The following LOXL1 variants were observed in gnomAD, a reference collection of about 807,000 sequenced individuals.
The protein encoded by LOXL1 is lysyl oxidase homolog 1.
Under a neutral mutation model 62.2 loss-of-function variants are expected in LOXL1, and 31 were observed. That is an observed-to-expected ratio of 0.50 (90% CI 0.37 to 0.67). LOXL1 has a LOEUF of 0.67. LOXL1 is among the 30% of genes least tolerant of loss of function. The pLI is 0.00. For missense variants in LOXL1, 775 were observed against 843.4 expected (o/e 0.92, Z 1.00); for synonymous variants, 403 against 384.4 (o/e 1.05, Z -0.56).
At chr15:73,932,133 G>T (rs568015218) in intron 1 of LOXL1, among the ~76,000 whole-genome samples, 36 of 152,180 alleles carry the variant, frequency 2.4e-4, no homozygotes, top group Non-Finnish European at 4.6e-4. Context: ...GCAGGGTGGG[G>T]CAGGGCATGA....
chr15:73,934,332 G>T (rs144482642), intron 1 of LOXL1, among the ~76,000 whole-genome samples: 2 of 152,352 alleles, frequency 1.3e-5, no homozygotes, highest in African/African-American at 4.8e-5. Flanking sequence ...TAGGCCCTGA[G>T]CTGGGCGTGG....
In LOXL1 at chr15:73,945,352, A is replaced by T. The variant is rs968759511; in HGVS notation, c.1212-1065A>T. Among the ~76,000 whole-genome samples, 156 of 152,294 alleles carry T rather than the reference A, an allele frequency of 1.0e-3. No homozygotes were observed. Among genetic ancestry groups the T allele is most frequent in the Non-Finnish European group, 2.6e-4 (18 of 68,020 alleles). ...GCTGTGCTGCAGTCAGTGCTGTTAGAGCTCACAGGCAATCCGGATCCTCTA... is the reference window on the plus strand; with the variant it reads ...GCTGTGCTGCAGTCAGTGCTGTTAGTGCTCACAGGCAATCCGGATCCTCTA... On this transcript the variant is annotated intron_variant, in intron 2 of 6. Coordinates refer to ENST00000261921, the MANE Select transcript of LOXL1 (RefSeq NM_005576.4). The surrounding 1 kb of genome is among the most constrained non-coding windows in gnomAD (Gnocchi z 4.3).
rs563235858 is a variant in LOXL1 at position 73,951,903 on chromosome 15, C to T, written c.*66C>T. 106 of 1,399,090 alleles carry T rather than the reference C, an allele frequency of 7.6e-5. No homozygotes were observed. The highest frequency in any genetic ancestry group is 7.6e-4 in the Middle Eastern group (3 of 3,964). The allele number at this position is 1,399,090 out of a possible 1,614,324, so 86.7% of individuals were successfully genotyped here. A position where few individuals can be genotyped will look rare whatever the true frequency, so the allele number is the denominator to read the frequency against. Reference sequence around the variant, plus strand: ...GCAGGCCCTGCTCCCCGGGCAGCCTCCCGCCGAGGGGCCCAGCCCCCAACC... The same window carrying T: ...GCAGGCCCTGCTCCCCGGGCAGCCTTCCGCCGAGGGGCCCAGCCCCCAACC... On this transcript the variant is annotated 3_prime_UTR_variant, in exon 7 of 7. Coordinates refer to ENST00000261921, the MANE Select transcript of LOXL1 (RefSeq NM_005576.4).
intron 1 of LOXL1, among the ~76,000 whole-genome samples, chr15:73,940,304 T>G (rs1648135640): frequency 6.6e-6 from 1 of 152,212 alleles, no homozygotes; most frequent in South Asian, 2.1e-4. Flanking sequence ...GCTCAGATTG[T>G]GACCAGCAGC....
rs535847467 is a variant in LOXL1, at chr15:73,944,684, G to A, written c.1211+1722G>A. 3.3e-5 allele frequency among the ~76,000 whole-genome samples: 5 copies of A among 152,348 alleles called. No homozygotes were observed. In the South Asian group the frequency reaches 1.0e-3, roughly 32 times the overall value. On this transcript the variant is annotated intron_variant, in intron 2 of 6. Coordinates refer to ENST00000261921, the MANE Select transcript of LOXL1 (RefSeq NM_005576.4). The stretch of plus-strand genomic sequence containing the variant: ...AGAGAAGAAAAGGGACCAATTCCAA[G>A]TCTCACCACCAGTTTGTGGCCAAGC...
intron 1 of LOXL1, 64 bp downstream of exon 1, chr15:73,927,949 C>T: frequency 8.0e-7 from 1 of 1,249,588 alleles, no homozygotes; most frequent in Non-Finnish European, 1.0e-6. Flanking sequence ...CTGCTCCGGG[C>T]CCCCCGGGCC....
At chr15:73,950,850 T>C (rs985116556) in intron 6 of LOXL1, among the ~76,000 whole-genome samples, 10 of 152,190 alleles carry the variant, frequency 6.6e-5, no homozygotes, top group African/African-American at 2.4e-4. Flanking sequence ...ATCATGAATA[T>C]TAAAAATGGG....
intron 1 of LOXL1, among the ~76,000 whole-genome samples, chr15:73,928,418 A>C (rs1004915414): frequency 3.9e-5 from 6 of 152,154 alleles, no homozygotes; most frequent in Admixed American, 1.3e-4. Flanking sequence ...TTGAGTGCGC[A>C]GGAGGTTAGA....
At chr15:73,939,837 AC>A (rs1015862625) in intron 1 of LOXL1, among the ~76,000 whole-genome samples, 6 of 152,144 alleles carry the variant, frequency 3.9e-5, no homozygotes, top group Non-Finnish European at 8.8e-5. Context: ...CTCCTGGGGT[AC>A]CCCAGCTCCC....
Position 73,945,136 on chromosome 15 carries a change from C to T in LOXL1, c.1212-1281C>T, listed in dbSNP as rs995979132. ...TCTCCCCTCACTGCAGCCCCTCGTT[C>T]CTCTTTCCACCCTTTTCCTTTTGTC... On this transcript the variant is annotated intron_variant, in intron 2 of 6. Transcript: ENST00000261921. The surrounding 1 kb of genome is among the most constrained non-coding windows in gnomAD (Gnocchi z 4.3). Among the ~76,000 whole-genome samples, 5 of 152,204 alleles carry T rather than the reference C, an allele frequency of 3.3e-5. No homozygotes were observed. The highest frequency in any genetic ancestry group is 1.2e-4 in the African/African-American group (5 of 41,448).
Position 73,930,134 on chromosome 15 carries a change from C to G in LOXL1, c.1102+2249C>G, listed in dbSNP as rs1438523729. On this transcript the variant is annotated intron_variant, in intron 1 of 6. Coordinates refer to ENST00000261921, the MANE Select transcript of LOXL1 (RefSeq NM_005576.4). The surrounding 1 kb of genome is among the most constrained non-coding windows in gnomAD (Gnocchi z 4.7). ...TGTACTCACATGCATCAAGTCCAGG[C>G]CCTTCCCTGGGGCAGTCTACCAGGA... is the stretch of plus-strand genomic sequence containing the variant. 6.6e-6 allele frequency among the ~76,000 whole-genome samples: 1 copy of G among 152,216 alleles called. No homozygotes were observed. Among genetic ancestry groups the G allele is most frequent in the Non-Finnish European group, 1.5e-5 (1 of 68,040 alleles).
chr15:73,929,833 G>A (rs1478601962), intron 1 of LOXL1, among the ~76,000 whole-genome samples: 1 of 152,240 alleles, frequency 6.6e-6, no homozygotes, highest in African/African-American at 2.4e-5. Context: ...TCTGGGCAGA[G>A]AAAACTGAGC....
chr15:73,926,965 A>G lies in LOXL1; in HGVS notation c.182A>G (p.Tyr61Cys). The change falls in exon 1 of 7, where the codon TAC becomes TGC. Residue 61 changes from tyrosine to cysteine, a missense_variant. By Grantham distance (194) the Tyr-to-Cys change is radical (BLOSUM62 -2). Coordinates refer to ENST00000261921, the MANE Select transcript of LOXL1 (RefSeq NM_005576.4). Reference sequence around the variant, plus strand: ...AGCTTGCTCAACTCGGGCTCAGAGTACGTGCCGGCCGGACCTCAGCGCTCC... The same window carrying G: ...AGCTTGCTCAACTCGGGCTCAGAGTGCGTGCCGGCCGGACCTCAGCGCTCC... The part of the protein sequence containing the change: ...VYSLLNSGSE[Y>C]VPAGPQRSES... The G allele has an allele frequency of 1.3e-6, 2 of 1,540,192 alleles. No individual in the cohort carries two copies. Among genetic ancestry groups the G allele is most frequent in the African/African-American group, 1.4e-5 (1 of 71,332 alleles).
rs369480003 is a variant in LOXL1, at chr15:73,947,211, C to G, written c.1494C>G (p.Thr498=). 2 of 1,601,658 alleles carry G rather than the reference C, an allele frequency of 1.2e-6. No homozygotes were observed. Among genetic ancestry groups the G allele is most frequent in the Non-Finnish European group, 1.7e-6 (2 of 1,170,100 alleles). Residue 498 remains threonine, a synonymous_variant, in exon 4 of 7, where the codon ACC becomes ACG. Transcript: ENST00000261921. ...GCAACCTCAAGCGCTATGCATGCACCTCTCATACCCAGGTTGGGCTGGAGA... is the reference window on the plus strand; with the variant it reads ...GCAACCTCAAGCGCTATGCATGCACGTCTCATACCCAGGTTGGGCTGGAGA... ...DFGNLKRYAC[T]SHTQGLSPGC... is the part of the protein sequence containing the mutation.
Position 73,945,210 on chromosome 15 carries a change from G to A in LOXL1, c.1212-1207G>A, listed in dbSNP as rs775221728. On this transcript the variant is annotated intron_variant, in intron 2 of 6. Transcript: ENST00000261921. This position sits in a 1 kb window ranked among gnomAD's most constrained non-coding sequence, Gnocchi z 4.3. ...TCTGGAGTCAGCAGGTGACTTGCGA[G>A]CAGGCAATTCATACCAGACCCATGT... is the stretch of plus-strand genomic sequence containing the variant. Among the ~76,000 whole-genome samples the A allele has an allele frequency of 1.1e-4, 17 of 152,208 alleles. No individual in the cohort carries two copies. The highest frequency in any genetic ancestry group is 1.7e-4 in the African/African-American group (7 of 41,454).
chr15:73,949,340 C>T lies in LOXL1; in HGVS notation c.1603-119C>T, dbSNP rs560357492. On this transcript the variant is annotated intron_variant, in intron 5 of 6. Coordinates refer to ENST00000261921, the MANE Select transcript of LOXL1 (RefSeq NM_005576.4). ...CTCTCTAGCAGTGTGTCTCTGTTCT[C>T]CCTCTCTCTGTCACCTCTCTGTCTG... is the stretch of plus-strand genomic sequence containing the variant. 30 of 730,930 alleles carry T rather than the reference C, an allele frequency of 4.1e-5. No homozygotes were observed. In the African/African-American group the frequency reaches 5.2e-4, roughly 13 times the overall value. 45.3% of individuals were successfully genotyped at this position (730,930 alleles called of 1,614,324 possible).
At position 73,927,477 on chromosome 15, in the gene LOXL1, G is replaced by C; in HGVS notation, c.694G>C (p.Ala232Pro). ...GGTCATCTACCCCTACCAGCCCCGGGCGCGCTACGAGGAGTACGGCGGCGG... is the reference window on the plus strand; with the variant it reads ...GGTCATCTACCCCTACCAGCCCCGGCCGCGCTACGAGGAGTACGGCGGCGG... ...AGVIYPYQPRARYEEYGGGEE... is the reference protein window; with the variant it reads ...AGVIYPYQPRPRYEEYGGGEE... The change falls in exon 1 of 7, where the codon GCG (alanine) becomes CCG (proline). Residue 232 changes from alanine to proline, a missense_variant. Coordinates refer to ENST00000261921, the MANE Select transcript of LOXL1 (RefSeq NM_005576.4). The C allele has an allele frequency of 6.9e-7, 1 of 1,454,296 alleles. No individual in the cohort carries two copies. The highest frequency in any genetic ancestry group is 9.0e-7 in the Non-Finnish European group (1 of 1,107,762). The allele number at this position is 1,454,296 out of a possible 1,614,324, so 90.1% of individuals were successfully genotyped here.
At position 73,927,737 on chromosome 15, in the gene LOXL1, C is replaced by T. The variant is rs2068598262; in HGVS notation, c.954C>T (p.Pro318=). ...ACCCGCCCTACGCCAACCCGCCGCCCGAGGCGTACGGGCCGCCGCGCGCGC... is the reference window on the plus strand; with the variant it reads ...ACCCGCCCTACGCCAACCCGCCGCCTGAGGCGTACGGGCCGCCGCGCGCGC... ...GWYPPYANPP[P]EAYGPPRALE... The change falls in exon 1 of 7, where the codon CCC becomes CCT. Residue 318 remains proline (P), a synonymous_variant. Coordinates refer to ENST00000261921, the MANE Select transcript of LOXL1 (RefSeq NM_005576.4). The T allele has an allele frequency of 6.9e-7, 1 of 1,459,622 alleles. No individual in the cohort carries two copies. Among genetic ancestry groups the T allele is most frequent in the Non-Finnish European group, 9.0e-7 (1 of 1,112,240 alleles). 90.4% of individuals were successfully genotyped at this position (1,459,622 alleles called of 1,614,324 possible). A position where few individuals can be genotyped will look rare whatever the true frequency, so the allele number is the denominator to read the frequency against.
intron 2 of LOXL1, among the ~76,000 whole-genome samples, chr15:73,943,340 G>A (rs924541502): frequency 1.3e-5 from 2 of 152,222 alleles, no homozygotes; most frequent in Admixed American, 6.5e-5. Context: ...CCTTTTGGGA[G>A]CCCAGGCTTC....
Sources: allele counts gnomAD v4.1 joint callset (sites outside exome capture counted in the v4.1 genomes callset), GRCh38; gene constraint gnomAD v4.1.1; non-coding constraint Gnocchi (gnomAD v3.1); transcripts MANE v1.5; gene names NCBI Gene and HGNC (gene_info 2026-07-23, HGNC 2026-07-21).